The following ZNF594 variants were observed in gnomAD, a reference collection of about 807,000 sequenced individuals.
ZNF594 encodes zinc finger protein HZF18.
For missense variants in ZNF594, 1,037 were observed against 964.6 expected, an observed-to-expected ratio of 1.08 and a Z score of -0.99; for synonymous variants, 336 against 309.4, an observed-to-expected ratio of 1.09 and a Z score of -0.90.
At chr17:5,184,320 TATC>T (rs1331263681) in intron 1 of ZNF594, 44 bp from the exon 2 acceptor site, 6 of 1,525,878 alleles carry the variant, frequency 3.9e-6, no homozygotes, top group South Asian at 1.3e-5. Context: ...AAAATACAAA[TATC>T]ATCTCTTCAT....
chr17:5,185,734 G>T (rs557904476), intron 1 of ZNF594, among the ~76,000 whole-genome samples: 1 of 152,310 alleles, frequency 6.6e-6, no homozygotes, highest in African/African-American at 2.4e-5. Context: ...GGGGGTACAG[G>T]TATTGCTGGG....
At chr17:5,184,822 G>A (rs998559576) in intron 1 of ZNF594, among the ~76,000 whole-genome samples, 4 of 152,274 alleles carry the variant, frequency 2.6e-5, no homozygotes, top group South Asian at 2.1e-4. Flanking sequence ...AATCTTGTAC[G>A]AACTGGCAAA....
chr17:5,179,809 A>G lies in ZNF594; in HGVS notation c.*2024T>C, dbSNP rs908835124. The G allele has an allele frequency of 6.6e-6, 1 of 152,160 alleles. No homozygotes were observed. The highest frequency in any genetic ancestry group is 2.4e-5 in the African/African-American group (1 of 41,440). The allele number at this position is 152,160 out of a possible 1,614,324, so 9.4% of individuals were successfully genotyped here. A position where few individuals can be genotyped will look rare whatever the true frequency, so the allele number is the denominator to read the frequency against. ...AATTTTAGTACCTAGGTCTGCCTAC[A>G]TGGTGCCAGTCAGAAGCATGATTTG... On this transcript the variant is annotated 3_prime_UTR_variant, in exon 2 of 2. Coordinates refer to ENST00000575779, the MANE Select transcript of ZNF594 (RefSeq NM_032530.2).
At chr17:5,188,596 C>T (rs953690113) in intron 1 of ZNF594, among the ~76,000 whole-genome samples, 2 of 151,974 alleles carry the variant, frequency 1.3e-5, no homozygotes, top group Non-Finnish European at 2.9e-5. Context: ...AAACATACAT[C>T]CATGAAGAAT....
At position 5,182,186 on chromosome 17, in the gene ZNF594, G is replaced by C. The variant is rs202036467; in HGVS notation, c.2071C>G (p.Arg691Gly). Residue 691 changes from arginine (R) to glycine (G), a missense_variant, in exon 2 of 2, where the codon CGG becomes GGG. Transcript: ENST00000575779. ...QCSECGNAFR[R>G]RSLLIQHRRL... is the part of the protein sequence containing the mutation. ...CGATGTTGAATAAGGAGGGAACGCC[G>C]CCTGAAGGCATTCCCACATTCACTG... 99 of 1,613,426 alleles carry C rather than the reference G, an allele frequency of 6.1e-5. 2 individuals are homozygous for C. The African/African-American group carries it at 9.4e-4, about 15-fold the overall frequency.
At position 5,183,852 on chromosome 17, in the gene ZNF594, G is replaced by A. The variant is rs2074367868; in HGVS notation, c.405C>T (p.Thr135=). Residue 135 remains threonine, a synonymous_variant, in exon 2 of 2, where the codon ACC becomes ACT. Transcript: ENST00000575779. The stretch of plus-strand genomic sequence containing the variant: ...TGATCAGGTTTGAACTCCTGTTGAA[G>A]GTTTTTTCACATTCCTTACATTCAT... The part of the protein sequence containing the change: ...KTYECKECEK[T]FNRSSNLIIH... 3 of 1,613,506 alleles carry A rather than the reference G, an allele frequency of 1.9e-6. No individual in the cohort carries two copies. The highest frequency in any genetic ancestry group is 1.3e-5 in the African/African-American group (1 of 74,842).
chr17:5,183,279 G>GT lies in ZNF594; in HGVS notation c.977dup (p.His326GlnfsTer15), dbSNP rs1362577192. On this transcript the variant is annotated frameshift_variant, in exon 2 of 2. Coordinates refer to ENST00000575779, the MANE Select transcript of ZNF594 (RefSeq NM_032530.2). LOFTEE classifies it low-confidence loss of function (END_TRUNC). ...GCCCACTGAAGGTCTTCCCACATCT[G>GT]TGACATTCATAGGGTTTCTCTCCAC... 6 of 1,614,014 alleles carry GT rather than the reference G, an allele frequency of 3.7e-6. No homozygotes were observed. Among genetic ancestry groups the GT allele is most frequent in the African/African-American group, 1.3e-5 (1 of 75,004 alleles).
In ZNF594 at chr17:5,183,056, C is replaced by T; in HGVS notation, c.1201G>A (p.Glu401Lys). The T allele has an allele frequency of 3.1e-6, 5 of 1,614,104 alleles. No individual in the cohort carries two copies. The highest frequency in any genetic ancestry group is 1.3e-5 in the African/African-American group (1 of 75,018). Residue 401 changes from glutamate to lysine, a missense_variant, in exon 2 of 2, where the codon GAG (glutamate) becomes AAG (lysine). By Grantham distance (56) the Glu-to-Lys change is moderately conservative. Transcript: ENST00000575779. The part of the protein sequence containing the change: ...LIRHQVTHTG[E>K]KPYECKECGK... The stretch of plus-strand genomic sequence containing the variant: ...CATTCTTTACATTCATATGGTTTCT[C>T]TCCTGTATGAGTTACCTGATGTCTG...
rs2074345865 is a variant in ZNF594, at chr17:5,182,038, T to C, written c.2219A>G (p.Lys740Arg). Residue 740 changes from lysine (K) to arginine (R), a missense_variant, in exon 2 of 2, where the codon AAA (lysine) becomes AGA (arginine). Lys to Arg is a conservative substitution (Grantham distance 26, BLOSUM62 2). Coordinates refer to ENST00000575779, the MANE Select transcript of ZNF594 (RefSeq NM_032530.2). ...AAGCTCCTCATCCTTGCTGAAGGTT[T>C]TCTCACATTCTTCAAGTTTCTCTCC... ...HAGEKLEECE[K>R]TFSKDEELRK... 1 of 1,613,642 alleles carries C rather than the reference T, an allele frequency of 6.2e-7. No individual in the cohort carries two copies. Among genetic ancestry groups the C allele is most frequent in the Non-Finnish European group, 8.5e-7 (1 of 1,180,032 alleles).
chr17:5,174,796 G>T (rs1313288761), downstream of ZNF594: 10 of 197,080 alleles, frequency 5.1e-5, no homozygotes, highest in Non-Finnish European at 1.1e-5. Context: ...CATTCACCTT[G>T]TAAATTACTG....
In ZNF594 at chr17:5,181,674, G is replaced by GT; in HGVS notation, c.*158dup. On this transcript the variant is annotated 3_prime_UTR_variant, in exon 2 of 2. Transcript: ENST00000575779. ...CTCTCCAGTGTGGATTTTCTGGTGTGTGACAAGGTGGGACCTCTGGCTAAA... is the reference window on the plus strand; with the variant it reads ...CTCTCCAGTGTGGATTTTCTGGTGTGTTGACAAGGTGGGACCTCTGGCTAAA... The GT allele has an allele frequency of 6.3e-7, 1 of 1,575,910 alleles. No individual in the cohort carries two copies.
intron 1 of ZNF594, 29 bp from the exon 2 acceptor site, chr17:5,184,305 T>C (rs1408420948): frequency 5.1e-6 from 8 of 1,562,956 alleles, no homozygotes; most frequent in Non-Finnish European, 6.9e-6. Flanking sequence ...CATTCTATAA[T>C]TCCTAAAATA....
downstream of ZNF594, among the ~76,000 whole-genome samples, chr17:5,177,088 C>T (rs190587305): frequency 1.5e-3 from 231 of 151,458 alleles, no homozygotes; most frequent in African/African-American, 5.3e-3. Flanking sequence ...CCCAGCTACT[C>T]GGCAGGCTGA....
chr17:5,181,275 G>A lies in ZNF594; in HGVS notation c.*558C>T. 6.2e-7 allele frequency: 1 copy of A among 1,612,612 alleles called. No individual in the cohort carries two copies. ...AATTCTATGATGTCTCAGAAGGTCT[G>A]AGCTCTGATTGAAAGTTTTCCCACA... is the stretch of plus-strand genomic sequence containing the variant. On this transcript the variant is annotated 3_prime_UTR_variant, in exon 2 of 2. Coordinates refer to ENST00000575779, the MANE Select transcript of ZNF594 (RefSeq NM_032530.2).
intron 1 of ZNF594, among the ~76,000 whole-genome samples, chr17:5,187,442 A>G (rs2074392792): frequency 1.3e-5 from 2 of 152,220 alleles, no homozygotes. Flanking sequence ...GAGCCAAACC[A>G]TATCAGTCAG....
chr17:5,181,632 G>T lies in ZNF594; in HGVS notation c.*201C>A. Reference sequence around the variant, plus strand: ...CCGCCTGAAGGCTTTTTCACATTCAGTGCACTGATAGGGCTTCTCTCCAGT... The same window carrying T: ...CCGCCTGAAGGCTTTTTCACATTCATTGCACTGATAGGGCTTCTCTCCAGT... On this transcript the variant is annotated 3_prime_UTR_variant, in exon 2 of 2. Transcript: ENST00000575779. 1.3e-6 allele frequency: 2 copies of T among 1,592,228 alleles called. No individual in the cohort carries two copies. Among genetic ancestry groups the T allele is most frequent in the Non-Finnish European group, 1.7e-6 (2 of 1,160,200 alleles).
chr17:5,185,974 C>G (rs1031423620), intron 1 of ZNF594, among the ~76,000 whole-genome samples: 1 of 152,178 alleles, frequency 6.6e-6, no homozygotes, highest in East Asian at 1.9e-4. Context: ...GCTGCTTTCA[C>G]GGGCTGGTGT....
chr17:5,184,063 C>T lies in ZNF594; in HGVS notation c.194G>A (p.Gly65Asp). Reference protein sequence around the residue: ...AMRHLPSQESGIREMHIIPQK... With the variant: ...AMRHLPSQESDIREMHIIPQK... The stretch of plus-strand genomic sequence containing the variant: ...GGGGATAATATGCATTTCCCTGATA[C>T]CGCTCTCTTGGGAAGGGAGATGTCT... Residue 65 changes from glycine to aspartate, a missense_variant, in exon 2 of 2, where the codon GGT (glycine) becomes GAT (aspartate). Coordinates refer to ENST00000575779, the MANE Select transcript of ZNF594 (RefSeq NM_032530.2). 10 of 1,614,186 alleles carry T rather than the reference C, an allele frequency of 6.2e-6. No homozygotes were observed. The highest frequency in any genetic ancestry group is 8.5e-6 in the Non-Finnish European group (10 of 1,180,042).
rs537951599 is a variant in ZNF594, at chr17:5,182,609, T to C, written c.1648A>G (p.Ser550Gly). 6.2e-7 allele frequency: 1 copy of C among 1,613,654 alleles called. No homozygotes were observed. The highest frequency in any genetic ancestry group is 1.1e-5 in the South Asian group (1 of 91,076). ...GEKLECEKTF[S>G]QDEELRGEQK... is the part of the protein sequence containing the mutation. The stretch of plus-strand genomic sequence containing the variant: ...TCTCCCCTAAGCTCCTCATCCTGGC[T>C]GAAGGTTTTCTCACATTCAAGTTTC... Residue 550 changes from serine to glycine, a missense_variant, in exon 2 of 2, where the codon AGC becomes GGC. Transcript: ENST00000575779.
Sources: allele counts gnomAD v4.1 joint callset (sites outside exome capture counted in the v4.1 genomes callset), GRCh38; gene constraint gnomAD v4.1.1; transcripts MANE v1.5; gene names NCBI Gene and HGNC (gene_info 2026-07-23, HGNC 2026-07-21).